METTL8: variants seen among roughly 807,000 people sequenced by gnomAD.
METTL8 encodes tRNA N(3)-cytidine methyltransferase METTL8, mitochondrial.
METTL8 carries 32 observed loss-of-function variants against 48.7 expected under a neutral mutation model. That is an observed-to-expected ratio of 0.66 (90% CI 0.50 to 0.88). METTL8 has a LOEUF of 0.88. Among genes scored for constraint, METTL8 ranks in the 40% least tolerant of loss-of-function variants. The probability of loss-of-function intolerance (pLI) is 0.00; values close to 1 mark genes in which losing one functional copy is unlikely to be tolerated. For missense variants in METTL8, 464 were observed against 474.4 expected, an observed-to-expected ratio of 0.98 and a Z score of 0.20; for synonymous variants, 136 against 157.1, an observed-to-expected ratio of 0.87 and a Z score of 1.01.
chr2:171,363,792 T>TTATA (rs200347847), intron 2 of METTL8, among the ~76,000 whole-genome samples: 23,055 of 97,296 alleles, frequency 0.24, 3,579 homozygotes, highest in East Asian at 0.33. Context: ...TCCCCAAATT[T>TTATA]TATATATATA....
intron 2 of METTL8, among the ~76,000 whole-genome samples, chr2:171,381,298 A>G (rs1687511277): frequency 6.6e-6 from 1 of 152,344 alleles, no homozygotes; most frequent in African/African-American, 2.4e-5. Context: ...AAAAACATAA[A>G]AACCCTAGAA....
At position 171,319,066 on chromosome 2, in the gene METTL8, C is replaced by T. The variant is rs1216079394; in HGVS notation, c.*5106G>A. 6.6e-6 allele frequency: 1 copy of T among 152,090 alleles called. No individual in the cohort carries two copies. Among genetic ancestry groups the T allele is most frequent in the Non-Finnish European group, 1.5e-5 (1 of 68,026 alleles). 9.4% of individuals were successfully genotyped at this position (152,090 alleles called of 1,614,324 possible). A position where few individuals can be genotyped will look rare whatever the true frequency, so the allele number is the denominator to read the frequency against. On this transcript the variant is annotated 3_prime_UTR_variant, in exon 10 of 10. Coordinates refer to ENST00000375258, the MANE Select transcript of METTL8 (RefSeq NM_001321154.2). Reference sequence around the variant, plus strand: ...CTAAGCAGTTCAATAGGAACTAGGACCCATGCTTCCTGTTTGACTCTGAGG... The same window carrying T: ...CTAAGCAGTTCAATAGGAACTAGGATCCATGCTTCCTGTTTGACTCTGAGG...
chr2:171,382,350 T>C (rs906833947), intron 2 of METTL8, among the ~76,000 whole-genome samples: 3 of 152,072 alleles, frequency 2.0e-5, no homozygotes, highest in African/African-American at 7.2e-5. Context: ...GTGGTACATA[T>C]ACACCATGGA....
chr2:171,414,169 GC>G (rs1326909832), intron 1 of METTL8, among the ~76,000 whole-genome samples: 1 of 152,152 alleles, frequency 6.6e-6, no homozygotes, highest in Non-Finnish European at 1.5e-5. Flanking sequence ...TGTAATTCCA[GC>G]CCTTTGAGAG....
intron 2 of METTL8, among the ~76,000 whole-genome samples, chr2:171,376,868 A>T (rs1004468461): frequency 4.6e-5 from 7 of 152,200 alleles, no homozygotes; most frequent in Non-Finnish European, 8.8e-5. Flanking sequence ...ATAGAACCAA[A>T]AAAGAGCCCA....
chr2:171,361,312 G>T (rs1404787008), intron 2 of METTL8, among the ~76,000 whole-genome samples: 1 of 151,010 alleles, frequency 6.6e-6, no homozygotes, highest in Admixed American at 6.6e-5. Context: ...AATAAACCAG[G>T]AATAATTTTT....
intron 1 of METTL8, among the ~76,000 whole-genome samples, chr2:171,432,411 T>C (rs1693155092): frequency 6.6e-6 from 1 of 152,158 alleles, no homozygotes. Context: ...TGGTGACGAC[T>C]TGGTGGTGAA....
chr2:171,357,822 G>A (rs1684750612), intron 3 of METTL8, among the ~76,000 whole-genome samples: 1 of 152,018 alleles, frequency 6.6e-6, no homozygotes, highest in Non-Finnish European at 1.5e-5. Context: ...AGCCCCCTGA[G>A]TAGCTGGGAC....
At chr2:171,370,117 CAG>C (rs1237326034) in intron 2 of METTL8, among the ~76,000 whole-genome samples, 5 of 149,522 alleles carry the variant, frequency 3.3e-5, no homozygotes, top group Admixed American at 6.6e-5. Flanking sequence ...AAAAAAGGAA[CAG>C]GGGAAAAAAA....
At chr2:171,382,504 T>C (rs1432604516) in intron 2 of METTL8, among the ~76,000 whole-genome samples, 4 of 152,004 alleles carry the variant, frequency 2.6e-5, no homozygotes, top group Non-Finnish European at 5.9e-5. Context: ...AGTTGAACAA[T>C]GAGAACACAT....
At chr2:171,422,502 GCTT>G (rs1216571292) in intron 1 of METTL8, among the ~76,000 whole-genome samples, 1 of 152,214 alleles carries the variant, frequency 6.6e-6, no homozygotes, top group Admixed American at 6.5e-5. Flanking sequence ...TTTAATGTGA[GCTT>G]CTTTTTTTAT....
At chr2:171,384,150 C>T (rs1416113886) in intron 2 of METTL8, among the ~76,000 whole-genome samples, 4 of 152,264 alleles carry the variant, frequency 2.6e-5, no homozygotes, top group Middle Eastern at 3.4e-3. Context: ...ATATGACCCT[C>T]CAAGACATAA....
chr2:171,385,800 C>G (rs1252096416), intron 2 of METTL8, among the ~76,000 whole-genome samples: 1 of 152,180 alleles, frequency 6.6e-6, no homozygotes. Flanking sequence ...CTCCAGGCCT[C>G]TATGCCTAAT....
chr2:171,317,671 G>A lies in METTL8; in HGVS notation c.*6501C>T, dbSNP rs1684325954. 1 of 152,182 alleles carries A rather than the reference G, an allele frequency of 6.6e-6. No homozygotes were observed. The highest frequency in any genetic ancestry group is 2.1e-4 in the South Asian group (1 of 4,836). The allele number at this position is 152,182 out of a possible 1,614,324, so 9.4% of individuals were successfully genotyped here. ...AGCTGTTCCTTACTTAAGGTTAAGT[G>A]GTTGTGAAACCACAGACACTGTAGA... is the stretch of plus-strand genomic sequence containing the variant. On this transcript the variant is annotated 3_prime_UTR_variant, in exon 10 of 10. Transcript: ENST00000375258.
At chr2:171,335,900 T>G (rs1686034577) in intron 5 of METTL8, among the ~76,000 whole-genome samples, 1 of 152,206 alleles carries the variant, frequency 6.6e-6, no homozygotes, top group African/African-American at 2.4e-5. Flanking sequence ...GTGCTAATGC[T>G]GATTTTATAA....
Position 171,340,498 on chromosome 2 carries a change from CAAAAAAAA to C in METTL8, c.236-952_236-945del, listed in dbSNP as rs760579218. ...GCCTGGGCAACAGAGTGAGTTGTCT[CAAAAAAAA>C]AAAAAAAAAAAAAAAGAGCCTGGAG... On this transcript the variant is annotated intron_variant, in intron 3 of 9. Coordinates refer to ENST00000375258, the MANE Select transcript of METTL8 (RefSeq NM_001321154.2). 9.3e-5 allele frequency among the ~76,000 whole-genome samples: 4 copies of C among 42,932 alleles called. No homozygotes were observed. The South Asian group carries it at 2.7e-3, about 29-fold the overall frequency. 28.2% of individuals were successfully genotyped at this position (42,932 alleles called of 152,430 possible).
At chr2:171,331,424 CT>C (rs34718824) in intron 6 of METTL8, among the ~76,000 whole-genome samples, 252 of 131,822 alleles carry the variant, frequency 1.9e-3, no homozygotes, top group Middle Eastern at 5.4e-3. Context: ...GGCCTTTCAT[CT>C]TTTTTTTTTT....
intron 5 of METTL8, among the ~76,000 whole-genome samples, chr2:171,336,617 C>T (rs994411029): frequency 6.6e-5 from 10 of 151,862 alleles, no homozygotes; most frequent in Admixed American, 3.9e-4. Flanking sequence ...TAGCCAGGAT[C>T]GGCTTTTTTG....
chr2:171,334,476 T>C (rs192142763), intron 5 of METTL8, among the ~76,000 whole-genome samples: 1 of 152,282 alleles, frequency 6.6e-6, no homozygotes, highest in East Asian at 1.9e-4. Context: ...GTCTATGAAT[T>C]AAATGATCCT....
Sources: gnomAD v4.1 joint callset for allele counts (sites outside exome capture counted in the v4.1 genomes callset) on GRCh38, gnomAD v4.1.1 for gene constraint, MANE v1.5 for transcripts, NCBI Gene and HGNC (gene_info 2026-07-23, HGNC 2026-07-21) for gene names.